Variants in DYRK4 observed in about 807,000 individuals in gnomAD.
The protein encoded by DYRK4 is dual specificity tyrosine phosphorylation regulated kinase 4, also known as dual specificity tyrosine-phosphorylation-regulated kinase 4.
In DYRK4, 64 loss-of-function variants were observed where a neutral mutation model predicts 68.3. That is an observed-to-expected ratio of 0.94 (90% CI 0.77 to 1.15). The LOEUF is 1.15. DYRK4 is among the 50% of genes most tolerant of loss of function. The pLI, the probability that DYRK4 is intolerant of heterozygous loss-of-function variation, is 0.00. For synonymous variants in DYRK4, 274 were observed against 289.9 expected, an observed-to-expected ratio of 0.95 and a Z score of 0.56; for missense variants, 740 against 764.7, an observed-to-expected ratio of 0.97 and a Z score of 0.38.
chr12:4,571,273 A>G (rs1944727627), intron 2 of DYRK4, among the ~76,000 whole-genome samples: 1 of 152,250 alleles, frequency 6.6e-6, no homozygotes, highest in South Asian at 2.1e-4. Context: ...ACACATTTCT[A>G]TTTCAGCACC....
intron 10 of DYRK4, among the ~76,000 whole-genome samples, chr12:4,600,146 C>T (rs1945064787): frequency 6.6e-6 from 1 of 152,182 alleles, no homozygotes; most frequent in Non-Finnish European, 1.5e-5. Context: ...GCTTCAGAAA[C>T]CACAGTCATT....
At position 4,568,050 on chromosome 12, in the gene DYRK4, TA is replaced by T; in HGVS notation, c.132+5del. On this transcript the variant is annotated splice_donor_region_variant and intron_variant, in intron 2 of 14. Coordinates refer to ENST00000543431, the MANE Select transcript of DYRK4 (RefSeq NM_001394779.1). ...AAACAAAAGTTCACCTCTGCGAAGGTAAAGATCCTTGAATTTTCACTGGGGA... is the reference window on the plus strand; with the variant it reads ...AAACAAAAGTTCACCTCTGCGAAGGTAAGATCCTTGAATTTTCACTGGGGA... The T allele has an allele frequency of 6.5e-7, 1 of 1,535,746 alleles. No homozygotes were observed.
At chr12:4,578,371 G>A (rs543140461) in intron 2 of DYRK4, among the ~76,000 whole-genome samples, 1 of 151,818 alleles carries the variant, frequency 6.6e-6, no homozygotes, top group East Asian at 1.9e-4. Context: ...ACTCCCTCTG[G>A]CTATGTATAA....
chr12:4,575,728 T>C (rs1252692895), intron 2 of DYRK4, among the ~76,000 whole-genome samples: 1 of 152,240 alleles, frequency 6.6e-6, no homozygotes, highest in Non-Finnish European at 1.5e-5. Context: ...ATGCCTTTAT[T>C]GTTTAAGAAT....
At chr12:4,584,190 T>C (rs1328970194) in intron 2 of DYRK4, among the ~76,000 whole-genome samples, 1 of 152,204 alleles carries the variant, frequency 6.6e-6, no homozygotes, top group Non-Finnish European at 1.5e-5. Flanking sequence ...CAGAACTCAC[T>C]TGGGGAAGCT....
At chr12:4,587,785 GC>G (rs2137356042) in intron 2 of DYRK4, among the ~76,000 whole-genome samples, 1 of 152,306 alleles carries the variant, frequency 6.6e-6, no homozygotes, top group Admixed American at 6.5e-5. Flanking sequence ...ACTTAGCTGT[GC>G]TGGATGATAT....
At chr12:4,606,293 G>GCTGTCTAT (rs149226177) in intron 11 of DYRK4, among the ~76,000 whole-genome samples, 4 of 151,034 alleles carry the variant, frequency 2.6e-5, no homozygotes, top group African/African-American at 7.3e-5. Context: ...TGGCTGGCTG[G>GCTGTCTAT]CTATCTATCT....
intron 3 of DYRK4, 94 bp downstream of exon 3, chr12:4,589,111 T>C (rs1361484921): frequency 8.1e-6 from 9 of 1,114,224 alleles, no homozygotes; most frequent in Non-Finnish European, 1.0e-5. Context: ...GGCCAATTTA[T>C]CATAAAATGT....
At chr12:4,573,495 G>A (rs1318157116) in intron 2 of DYRK4, 4 of 842,688 alleles carry the variant, frequency 4.7e-6, no homozygotes, top group Non-Finnish European at 6.7e-6. Flanking sequence ...GTGGGGGCAT[G>A]TCTCTGAGTA....
intron 2 of DYRK4, among the ~76,000 whole-genome samples, chr12:4,586,729 C>CACAGACACACAG (rs1944901212): frequency 8.9e-6 from 1 of 112,362 alleles, no homozygotes; most frequent in Non-Finnish European, 2.1e-5. Flanking sequence ...CACACACACA[C>CACAGACACACAG]ACAGACACAC....
chr12:4,602,701 G>T, intron 10 of DYRK4: 1 of 1,464,212 alleles, frequency 6.8e-7, no homozygotes, highest in Non-Finnish European at 9.6e-7. Context: ...ATTAATGGGA[G>T]GCAAATACCC....
intron 13 of DYRK4, 160 bp downstream of exon 13, chr12:4,610,444 T>C: frequency 1.5e-6 from 1 of 670,232 alleles, no homozygotes. Flanking sequence ...CCACATCTGT[T>C]GTTTCATCAG....
chr12:4,584,752 T>C (rs1248871020), intron 2 of DYRK4, among the ~76,000 whole-genome samples: 3 of 151,940 alleles, frequency 2.0e-5, no homozygotes, highest in African/African-American at 7.3e-5. Flanking sequence ...AGACGGGGTT[T>C]CATTATGTTA....
At chr12:4,609,305 C>T (rs1000535195) in intron 12 of DYRK4, among the ~76,000 whole-genome samples, 2 of 152,170 alleles carry the variant, frequency 1.3e-5, no homozygotes, top group Non-Finnish European at 2.9e-5. Context: ...GGCAAAAAAG[C>T]GAATTCCTGT....
chr12:4,582,315 G>A (rs570937362), intron 2 of DYRK4, among the ~76,000 whole-genome samples: 7 of 152,138 alleles, frequency 4.6e-5, no homozygotes, highest in East Asian at 3.9e-4. Flanking sequence ...GTGGTGGCGC[G>A]TGCCTGTAAT....
intron 4 of DYRK4, chr12:4,590,705 A>G (rs1223090905): frequency 3.5e-6 from 2 of 579,360 alleles, no homozygotes; most frequent in Non-Finnish European, 5.2e-6. Context: ...TAAAAGGTGG[A>G]ACCATACAAA....
chr12:4,576,875 T>C (rs1480725335), intron 2 of DYRK4, among the ~76,000 whole-genome samples: 1 of 152,252 alleles, frequency 6.6e-6, no homozygotes, highest in Non-Finnish European at 1.5e-5. Context: ...TATTGTTGAA[T>C]TTTAAGAGTA....
At chr12:4,582,274 A>G (rs1167816031) in intron 2 of DYRK4, among the ~76,000 whole-genome samples, 1 of 152,110 alleles carries the variant, frequency 6.6e-6, no homozygotes, top group Non-Finnish European at 1.5e-5. Context: ...GAGAAACCCC[A>G]TCTCTACTAA....
chr12:4,578,847 G>A (rs1352315855), intron 2 of DYRK4, among the ~76,000 whole-genome samples: 1 of 152,152 alleles, frequency 6.6e-6, no homozygotes, highest in East Asian at 1.9e-4. Flanking sequence ...TATCCTGTGA[G>A]GCCTAATGAC....
Sources: allele counts gnomAD v4.1 joint callset (sites outside exome capture counted in the v4.1 genomes callset), GRCh38; gene constraint gnomAD v4.1.1; transcripts MANE v1.5; gene names NCBI Gene and HGNC (gene_info 2026-07-23, HGNC 2026-07-21).